Variants in GRIP2 observed in about 807,000 individuals in gnomAD.
The protein encoded by GRIP2 is glutamate receptor-interacting protein 2.
A neutral mutation model predicts 108.3 loss-of-function variants in GRIP2; 58 were observed. That is an observed-to-expected ratio of 0.54 (90% CI 0.43 to 0.67). GRIP2 has a LOEUF of 0.67. GRIP2 is among the 30% of genes least tolerant of loss of function. The probability of loss-of-function intolerance (pLI) is 0.00; values close to 1 mark genes in which losing one functional copy is unlikely to be tolerated. For synonymous variants in GRIP2, 586 were observed against 598.2 expected (o/e 0.98, Z 0.30); for missense variants, 1,278 against 1,430.6 (o/e 0.89, Z 1.72).
At chr3:14,571,546 C>G in the GRIP2 span, among the ~76,000 whole-genome samples, 1 of 152,134 alleles carries the variant, frequency 6.6e-6, no homozygotes, top group Non-Finnish European at 1.5e-5. Flanking sequence ...GGACAGAAAC[C>G]AATGCTCCCG....
At chr3:14,534,241 G>A (rs1394808537) in intron 1 of GRIP2, among the ~76,000 whole-genome samples, 1 of 152,160 alleles carries the variant, frequency 6.6e-6, no homozygotes, top group Non-Finnish European at 1.5e-5. Context: ...TGTGTGACTC[G>A]AGCCTCCATT....
chr3:14,588,274 C>G, the GRIP2 span, among the ~76,000 whole-genome samples: 568 of 152,284 alleles, frequency 3.7e-3, 2 homozygotes, highest in African/African-American at 0.013. Flanking sequence ...TTAGAAGAAA[C>G]AAAAGAACAG....
chr3:14,595,966 C>T, the GRIP2 span, among the ~76,000 whole-genome samples: 8 of 152,248 alleles, frequency 5.3e-5, no homozygotes, highest in African/African-American at 1.9e-4. Context: ...AGGAATGGGA[C>T]GGGGTCCCTG....
intron 20 of GRIP2, 56 bp from the exon 21 acceptor site, chr3:14,503,727 G>T: frequency 1.8e-6 from 1 of 569,802 alleles, no homozygotes. Flanking sequence ...GGCGGGCTGG[G>T]GCCTGAGGAG....
chr3:14,577,563 G>A, the GRIP2 span, among the ~76,000 whole-genome samples: 2 of 152,166 alleles, frequency 1.3e-5, no homozygotes, highest in African/African-American at 4.8e-5. Context: ...TAACCTGGAA[G>A]GTCCTTTCCT....
the GRIP2 span, chr3:14,573,236 C>A: frequency 1.3e-5 from 18 of 1,405,244 alleles, no homozygotes; most frequent in African/African-American, 5.7e-5. Flanking sequence ...AGAGGCAGGC[C>A]AGGATGCCAA....
chr3:14,574,331 T>A, the GRIP2 span: 1 of 1,031,518 alleles, frequency 9.7e-7, no homozygotes, highest in Admixed American at 1.8e-5. Context: ...GGGCGAAGAG[T>A]TTGCGCACCG....
intron 9 of GRIP2, among the ~76,000 whole-genome samples, chr3:14,519,613 T>G (rs73132025): frequency 6.8e-6 from 1 of 147,698 alleles, no homozygotes; most frequent in Non-Finnish European, 1.5e-5. Flanking sequence ...TGGCCCCAAC[T>G]GTGCCCTCTG....
chr3:14,519,911 A>G (rs1694356566), intron 9 of GRIP2, among the ~76,000 whole-genome samples, 199 bp downstream of exon 9: 2 of 152,196 alleles, frequency 1.3e-5, no homozygotes, highest in Admixed American at 1.3e-4. Context: ...ACTCAATTCA[A>G]ACCCTCAAGT....
the GRIP2 span, chr3:14,573,601 C>T: frequency 5.2e-5 from 77 of 1,468,392 alleles, no homozygotes; most frequent in Non-Finnish European, 6.3e-5. Context: ...ATCTCACACT[C>T]GCCGTTGGTG....
chr3:14,552,749 C>A (rs936310134), intron 1 of GRIP2, among the ~76,000 whole-genome samples: 1 of 152,000 alleles, frequency 6.6e-6, no homozygotes, highest in Non-Finnish European at 1.5e-5. Context: ...TGCGCCACCA[C>A]ACATGGCTAA....
At position 14,520,473 on chromosome 3, in the gene GRIP2, C is replaced by A; in HGVS notation, c.777G>T (p.Leu259=). ...VEIVKTPGSA[L]GISLTTTSLR... ...GGGAGGTGGTGGTGAGCGAGATCCC[C>A]AGGGCAGACCCTGGCGTCTTGACTA... The change falls in exon 8 of 24, where the codon CTG becomes CTT. Residue 259 remains leucine (L), a synonymous_variant. Coordinates refer to ENST00000621039, the MANE Select transcript of GRIP2 (RefSeq NM_001080423.4). 2 of 1,613,976 alleles carry A rather than the reference C, an allele frequency of 1.2e-6. No individual in the cohort carries two copies. Among genetic ancestry groups the A allele is most frequent in the Non-Finnish European group, 1.7e-6 (2 of 1,179,878 alleles).
chr3:14,518,292 T>C (rs897534588), intron 9 of GRIP2, among the ~76,000 whole-genome samples: 1 of 152,170 alleles, frequency 6.6e-6, no homozygotes, highest in Non-Finnish European at 1.5e-5. Flanking sequence ...CTGCAGCACT[T>C]TGGGGATATG....
chr3:14,587,074 TAAC>T, the GRIP2 span, among the ~76,000 whole-genome samples: 44 of 152,334 alleles, frequency 2.9e-4, no homozygotes, highest in Non-Finnish European at 5.9e-4. Flanking sequence ...AGTCTATATT[TAAC>T]AACAATTACA....
chr3:14,551,106 C>G (rs762659723), intron 1 of GRIP2, among the ~76,000 whole-genome samples: 1 of 152,148 alleles, frequency 6.6e-6, no homozygotes, highest in Non-Finnish European at 1.5e-5. Flanking sequence ...AGGAGGAACA[C>G]GGACCTGCCA....
intron 20 of GRIP2, among the ~76,000 whole-genome samples, chr3:14,504,880 G>A (rs191180067): frequency 1.8e-3 from 270 of 152,138 alleles, no homozygotes; most frequent in African/African-American, 4.6e-3. Context: ...GGGGCCACGC[G>A]TGGAGCTGGG....
At position 14,512,867 on chromosome 3, in the gene GRIP2, G is replaced by T; in HGVS notation, c.1640-10C>A. On this transcript the variant is annotated splice_polypyrimidine_tract_variant and intron_variant, in intron 13 of 23. Coordinates refer to ENST00000621039, the MANE Select transcript of GRIP2 (RefSeq NM_001080423.4). This position sits in a 1 kb window ranked among gnomAD's most constrained non-coding sequence, Gnocchi z 5.1. ...CTTGGGATGACGGACTCTGGGGGTA[G>T]ATGGACATAAACCGACGTGAGGACC... is the stretch of plus-strand genomic sequence containing the variant. The T allele has an allele frequency of 1.2e-6, 2 of 1,613,488 alleles. No homozygotes were observed. Among genetic ancestry groups the T allele is most frequent in the Non-Finnish European group, 1.7e-6 (2 of 1,179,620 alleles).
intron 7 of GRIP2, chr3:14,520,810 GT>G: frequency 2.1e-6 from 1 of 481,594 alleles, no homozygotes; most frequent in Middle Eastern, 5.7e-4. Flanking sequence ...ATTTGCTTGA[GT>G]TTATGAAGAG....
chr3:14,536,673 A>G (rs545577907), intron 1 of GRIP2, among the ~76,000 whole-genome samples: 25 of 152,312 alleles, frequency 1.6e-4, no homozygotes, highest in African/African-American at 6.0e-4. Flanking sequence ...GCGGGGGCGC[A>G]GTCTCAAGTT....
Sources: gnomAD v4.1 joint callset for allele counts (sites outside exome capture counted in the v4.1 genomes callset) on GRCh38, gnomAD v4.1.1 for gene constraint, Gnocchi (gnomAD v3.1) non-coding constraint, MANE v1.5 for transcripts, NCBI Gene and HGNC (gene_info 2026-07-23, HGNC 2026-07-21) for gene names.